The following DLG2 variants were observed in gnomAD, a reference collection of about 807,000 sequenced individuals.
DLG2 encodes disks large homolog 2.
Under a neutral mutation model 132.5 loss-of-function variants are expected in DLG2, and 45 were observed. The observed-to-expected ratio is 0.34, with a 90% CI of 0.27 to 0.44. DLG2 has a LOEUF of 0.44. Ranked by LOEUF, DLG2 falls within the 20% of genes least tolerant of loss-of-function variation. The pLI is 1.00. For missense variants in DLG2, 1,045 were observed against 1,196.9 expected (o/e 0.87, Z 1.87); for synonymous variants, 424 against 419.6 (o/e 1.01, Z -0.13).
intron 3 of DLG2, among the ~76,000 whole-genome samples, chr11:85,486,912 C>T (rs1388036205): frequency 1.3e-5 from 2 of 151,786 alleles, no homozygotes; most frequent in Non-Finnish European, 1.5e-5. Flanking sequence ...ACCACCACTG[C>T]CACCACCAAG....
chr11:84,187,810 G>A (rs1249858173), intron 8 of DLG2, among the ~76,000 whole-genome samples: 1 of 152,010 alleles, frequency 6.6e-6, no homozygotes, highest in Non-Finnish European at 1.5e-5. Flanking sequence ...AATAGAACAG[G>A]AATATTCCCT....
rs184687989 is a variant in DLG2 at position 83,744,676 on chromosome 11, C to A, written c.1825+42014G>T. ...CTCAGCAGTCTTTTAGTGTTTGGAT[C>A]CGTTACCACTTCAATTTCATAGCTG... On this transcript the variant is annotated intron_variant, in intron 18 of 27. Coordinates refer to ENST00000376104, the MANE Select transcript of DLG2 (RefSeq NM_001142699.3). Among the ~76,000 whole-genome samples the A allele has an allele frequency of 1.7e-3, 255 of 152,196 alleles. 3 individuals carry two copies. Among genetic ancestry groups the A allele is most frequent in the East Asian group, 7.7e-4 (4 of 5,186 alleles).
chr11:83,516,510 T>C (rs1415847445), intron 21 of DLG2, among the ~76,000 whole-genome samples: 2 of 152,360 alleles, frequency 1.3e-5, no homozygotes, highest in African/African-American at 4.8e-5. Flanking sequence ...AATTGGAGCA[T>C]TTAGCCCATT....
At chr11:84,147,064 C>T (rs2095112314) in intron 9 of DLG2, among the ~76,000 whole-genome samples, 1 of 152,072 alleles carries the variant, frequency 6.6e-6, no homozygotes, top group South Asian at 2.1e-4. Flanking sequence ...GTAGAAAATC[C>T]TGAGAAACAA....
intron 3 of DLG2, among the ~76,000 whole-genome samples, chr11:85,458,907 T>C (rs2092510879): frequency 6.6e-6 from 1 of 152,200 alleles, no homozygotes. Flanking sequence ...GAAGGGATCT[T>C]AGCAGTGGTT....
chr11:84,354,015 T>TAGG (rs2098596961), intron 7 of DLG2, among the ~76,000 whole-genome samples: 1 of 152,188 alleles, frequency 6.6e-6, no homozygotes. Context: ...AAATAACCTC[T>TAGG]AGGAGGACAG....
chr11:83,573,863 G>C (rs1202012993), intron 19 of DLG2, among the ~76,000 whole-genome samples: 2 of 152,094 alleles, frequency 1.3e-5, no homozygotes, highest in Non-Finnish European at 2.9e-5. Context: ...ACAGTGCTTC[G>C]AGGCAGTATA....
intron 6 of DLG2, among the ~76,000 whole-genome samples, chr11:85,027,385 G>T (rs920891591): frequency 6.6e-6 from 1 of 151,920 alleles, no homozygotes; most frequent in Non-Finnish European, 1.5e-5. Context: ...TAATTGTCAC[G>T]GGACCCTTGG....
chr11:83,801,959 G>A (rs997410970), intron 17 of DLG2, among the ~76,000 whole-genome samples: 2 of 152,124 alleles, frequency 1.3e-5, no homozygotes, highest in Non-Finnish European at 2.9e-5. Flanking sequence ...CTTGTTATAA[G>A]CCAGGTACTA....
intron 7 of DLG2, among the ~76,000 whole-genome samples, chr11:84,449,750 ATTTAT>A (rs1437615189): frequency 6.6e-6 from 1 of 151,868 alleles, no homozygotes; most frequent in Non-Finnish European, 1.5e-5. Flanking sequence ...ATTTAAATAA[ATTTAT>A]TTTAAAAGGG....
chr11:85,211,878 C>T (rs2082276046), intron 4 of DLG2, among the ~76,000 whole-genome samples: 1 of 152,074 alleles, frequency 6.6e-6, no homozygotes, highest in Admixed American at 6.6e-5. Flanking sequence ...GAGAAAACTA[C>T]ATCTATTATA....
chr11:84,687,886 G>T (rs551077156), intron 6 of DLG2, among the ~76,000 whole-genome samples: 43 of 152,216 alleles, frequency 2.8e-4, no homozygotes, highest in African/African-American at 1.0e-3. Flanking sequence ...TCCACTAATT[G>T]AAAACTAAGG....
chr11:83,990,141 C>A (rs766280082), intron 11 of DLG2, among the ~76,000 whole-genome samples: 5 of 152,064 alleles, frequency 3.3e-5, no homozygotes, highest in Non-Finnish European at 7.4e-5. Flanking sequence ...TGTAAGTAAT[C>A]ATTTCACAAA....
At chr11:84,342,610 G>A (rs561800000) in intron 7 of DLG2, among the ~76,000 whole-genome samples, 1 of 152,236 alleles carries the variant, frequency 6.6e-6, no homozygotes, top group East Asian at 1.9e-4. Context: ...GGTTTATTAT[G>A]AAGACTAAAT....
chr11:84,938,833 T>C (rs1004826920), intron 6 of DLG2, among the ~76,000 whole-genome samples: 6 of 152,120 alleles, frequency 3.9e-5, no homozygotes, highest in Non-Finnish European at 7.4e-5. Flanking sequence ...TATAAGAACA[T>C]TTGATTATGG....
intron 7 of DLG2, among the ~76,000 whole-genome samples, chr11:84,371,420 T>A (rs975299316): frequency 6.6e-6 from 1 of 151,930 alleles, no homozygotes; most frequent in Admixed American, 6.6e-5. Flanking sequence ...CAAGCCTGGC[T>A]AATTTTTTGT....
At chr11:85,314,704 A>T (rs1419709514) in intron 3 of DLG2, among the ~76,000 whole-genome samples, 1 of 152,068 alleles carries the variant, frequency 6.6e-6, no homozygotes, top group Non-Finnish European at 1.5e-5. Context: ...AGTATAATGC[A>T]TAATTGCATT....
intron 6 of DLG2, among the ~76,000 whole-genome samples, chr11:84,913,703 G>A (rs919007586): frequency 2.0e-5 from 3 of 152,000 alleles, no homozygotes; most frequent in South Asian, 4.1e-4. Context: ...TGAATAGCAA[G>A]GATATGAAGA....
intron 15 of DLG2, among the ~76,000 whole-genome samples, chr11:83,901,808 A>G (rs2073515700): frequency 6.6e-6 from 1 of 152,200 alleles, no homozygotes; most frequent in African/African-American, 2.4e-5. Context: ...ACCACTGAAT[A>G]GCTTGGTTAC....
Sources: gnomAD v4.1 joint callset for allele counts (sites outside exome capture counted in the v4.1 genomes callset) on GRCh38, gnomAD v4.1.1 for gene constraint, MANE v1.5 for transcripts, NCBI Gene and HGNC (gene_info 2026-07-23, HGNC 2026-07-21) for gene names.